Variants in BAIAP2L2 observed in about 807,000 individuals in gnomAD.
The protein encoded by BAIAP2L2 is BAR/IMD domain-containing adapter protein 2-like 2.
A neutral mutation model predicts 60.4 loss-of-function variants in BAIAP2L2; 65 were observed. That is an observed-to-expected ratio of 1.08 (90% confidence interval 0.88 to 1.32). The LOEUF (loss-of-function observed/expected upper bound fraction) is 1.32, where lower values mean the gene tolerates loss of function less well. Ranked by LOEUF, BAIAP2L2 falls within the 40% of genes most tolerant of loss-of-function variation. The probability of loss-of-function intolerance (pLI) is 0.00; values close to 1 mark genes in which losing one functional copy is unlikely to be tolerated. For synonymous variants in BAIAP2L2, 344 were observed against 301.7 expected (o/e 1.14, Z -1.45); for missense variants, 836 against 741.2 (o/e 1.13, Z -1.48).
At chr22:38,097,268 G>A in intron 6 of BAIAP2L2, 90 bp from the exon 7 acceptor site, 1 of 1,473,690 alleles carries the variant, frequency 6.8e-7, no homozygotes, top group Non-Finnish European at 9.3e-7. Context: ...CAAGCCCCCT[G>A]TTCTTCCTGA....
intron 7 of BAIAP2L2, chr22:38,090,429 G>A (rs2086270767): frequency 6.6e-6 from 1 of 151,926 alleles, no homozygotes; most frequent in Non-Finnish European, 1.5e-5. Flanking sequence ...TCTTTCAATG[G>A]CACTGACCTT....
intron 1 of BAIAP2L2, 136 bp downstream of exon 1, chr22:38,110,339 C>G (rs1414788557): frequency 2.2e-6 from 2 of 895,366 alleles, no homozygotes; most frequent in Non-Finnish European, 3.5e-6. Context: ...GTACCCACCC[C>G]TGGCCCAGCC....
chr22:38,094,475 C>G (rs116980139), intron 7 of BAIAP2L2, among the ~76,000 whole-genome samples: 3 of 152,090 alleles, frequency 2.0e-5, no homozygotes, highest in African/African-American at 7.2e-5. Context: ...TGTGAGCCAC[C>G]GCGCCTGGCC....
rs2086205131 is a variant in BAIAP2L2 at position 38,089,209 on chromosome 22, A to G, written c.788T>C (p.Phe263Ser). The G allele has an allele frequency of 2.8e-6, 3 of 1,057,832 alleles. No homozygotes were observed. The highest frequency in any genetic ancestry group is 3.4e-6 in the Non-Finnish European group (3 of 877,684). 65.5% of individuals were successfully genotyped at this position (1,057,832 alleles called of 1,614,324 possible). A position where few individuals can be genotyped will look rare whatever the true frequency, so the allele number is the denominator to read the frequency against. Residue 263 changes from phenylalanine (F) to serine (S), a missense_variant, in exon 9 of 14, where the codon TTC becomes TCC. Coordinates refer to ENST00000381669, the MANE Select transcript of BAIAP2L2 (RefSeq NM_025045.6). ...GCCGTGCCGGCTGCGGGGGGAGCTG[A>G]ACTCTCCCAGGGGCCTCGGGGGCTG... is the stretch of plus-strand genomic sequence containing the variant. ...LDMPPRPLGE[F>S]SSPRSRHGSG...
intron 3 of BAIAP2L2, 46 bp from the exon 4 acceptor site, chr22:38,107,959 C>A: frequency 2.5e-6 from 4 of 1,585,922 alleles, no homozygotes; most frequent in Middle Eastern, 1.7e-4. Context: ...GGCAGCCTGC[C>A]CCGCCCACCC....
rs1297801317 is a variant in BAIAP2L2 at position 38,089,693 on chromosome 22, G to A, written c.613-19C>T. Reference sequence around the variant, plus strand: ...CCCGGGCCTGGCCGGGCGGGGACACGGGGGTCAGCCAGGTCCGGGCGGCTC... The same window carrying A: ...CCCGGGCCTGGCCGGGCGGGGACACAGGGGTCAGCCAGGTCCGGGCGGCTC... On this transcript the variant is annotated intron_variant, in intron 7 of 13. Transcript: ENST00000381669. The A allele has an allele frequency of 9.0e-6, 11 of 1,228,676 alleles. No homozygotes were observed. The highest frequency in any genetic ancestry group is 6.1e-4 in the Middle Eastern group (2 of 3,280). 76.1% of individuals were successfully genotyped at this position (1,228,676 alleles called of 1,614,324 possible).
At chr22:38,087,866 A>C (rs2086144790) in intron 10 of BAIAP2L2, among the ~76,000 whole-genome samples, 2 of 138,338 alleles carry the variant, frequency 1.4e-5, no homozygotes, top group African/African-American at 2.8e-5. Flanking sequence ...GCATCCTCCC[A>C]TGTCCCTAAC....
rs1453781991 is a variant in BAIAP2L2 at position 38,089,524 on chromosome 22, T to C, written c.763A>G (p.Met255Val). 7.4e-6 allele frequency: 9 copies of C among 1,211,124 alleles called. No individual in the cohort carries two copies. Among genetic ancestry groups the C allele is most frequent in the Non-Finnish European group, 8.2e-6 (8 of 974,966 alleles). The allele number at this position is 1,211,124 out of a possible 1,614,324, so 75.0% of individuals were successfully genotyped here. A position where few individuals can be genotyped will look rare whatever the true frequency, so the allele number is the denominator to read the frequency against. ...GGCGGGGGCGCCCAGGGCCTCACCA[T>C]GTCCAGGCAGGTGGGCGTCAGGCGG... is the stretch of plus-strand genomic sequence containing the variant. ...SGRLTPTCLDMPPRPLGEFSS... is the reference protein window; with the variant it reads ...SGRLTPTCLDVPPRPLGEFSS... Residue 255 changes from methionine (M) to valine (V), a missense_variant and splice_region_variant, in exon 8 of 14, where the codon ATG becomes GTG. Transcript: ENST00000381669.
chr22:38,110,896 C>T (rs972054810), upstream of BAIAP2L2, among the ~76,000 whole-genome samples: 1 of 152,194 alleles, frequency 6.6e-6, no homozygotes, highest in African/African-American at 2.4e-5. Flanking sequence ...GGGCCCCGCC[C>T]TCCCACCTGC....
chr22:38,087,149 TCATGGGTGTCATGGGGGA>T lies in BAIAP2L2; in HGVS notation c.1216_1233del (p.Ser406_Met411del). 1 of 1,517,616 alleles carries T rather than the reference TCATGGGTGTCATGGGGGA, an allele frequency of 6.6e-7. No individual in the cohort carries two copies. The allele number at this position is 1,517,616 out of a possible 1,614,324, so 94.0% of individuals were successfully genotyped here. A position where few individuals can be genotyped will look rare whatever the true frequency, so the allele number is the denominator to read the frequency against. On this transcript the variant is annotated inframe_deletion, in exon 11 of 14. Coordinates refer to ENST00000381669, the MANE Select transcript of BAIAP2L2 (RefSeq NM_025045.6). ...CTGGAAGGCAGCTCGTTCCCGGGGTTCATGGGTGTCATGGGGGACATGGAGGTCATGGAGGTCATGGGG... is the reference window on the plus strand; with the variant it reads ...CTGGAAGGCAGCTCGTTCCCGGGGTTCATGGAGGTCATGGAGGTCATGGGG...
At chr22:38,108,190 C>CT (rs1053887832) in intron 3 of BAIAP2L2, 65 bp downstream of exon 3, 16 of 1,475,602 alleles carry the variant, frequency 1.1e-5, no homozygotes, top group East Asian at 9.2e-5. Context: ...TCGGGACATC[C>CT]TGGAAGGGCA....
In BAIAP2L2 at chr22:38,097,126, T is replaced by C; in HGVS notation, c.518A>G (p.Gln173Arg). 6.2e-7 allele frequency: 1 copy of C among 1,614,002 alleles called. No individual in the cohort carries two copies. The highest frequency in any genetic ancestry group is 8.5e-7 in the Non-Finnish European group (1 of 1,180,026). ...CTTCTCTTCCAATTCAGCCGCCCGC[T>C]GACTCTCAGACACGAAGGCCTGCAT... is the stretch of plus-strand genomic sequence containing the variant. The part of the protein sequence containing the change: ...AQMQAFVSES[Q>R]RAAELEEKRR... Residue 173 changes from glutamine to arginine, a missense_variant, in exon 7 of 14, where the codon CAG becomes CGG. By Grantham distance (43) the Gln-to-Arg change is conservative (BLOSUM62 1). Coordinates refer to ENST00000381669, the MANE Select transcript of BAIAP2L2 (RefSeq NM_025045.6).
At chr22:38,099,750 G>A (rs1222673712) in intron 4 of BAIAP2L2, among the ~76,000 whole-genome samples, 3 of 152,204 alleles carry the variant, frequency 2.0e-5, no homozygotes, top group African/African-American at 4.8e-5. Flanking sequence ...CCCCAACCCC[G>A]CGGACACGTC....
upstream of BAIAP2L2, chr22:38,110,799 A>C: frequency 2.1e-6 from 1 of 465,886 alleles, no homozygotes. Flanking sequence ...TCAATTATTC[A>C]CCCCTTGGAG....
intron 12 of BAIAP2L2, 119 bp from the exon 13 acceptor site, chr22:38,085,851 G>T: frequency 2.0e-6 from 2 of 1,022,202 alleles, no homozygotes; most frequent in Non-Finnish European, 2.9e-6. Context: ...CCCCTGCCAT[G>T]CCAGGCTCCT....
chr22:38,088,890 C>A lies in BAIAP2L2; in HGVS notation c.976G>T (p.Ala326Ser). ...GAGACCAGGGCGCGGACTCTCCTGG[C>A]GCCCCCGCCGCCGCCCGGGCGCTCG... ...FGERPGGGGGARRVRALVSHS... is the reference protein window; with the variant it reads ...FGERPGGGGGSRRVRALVSHS... The change falls in exon 10 of 14, where the codon GCC becomes TCC. Residue 326 changes from alanine (A) to serine (S), a missense_variant. Physicochemically the swap from Ala to Ser is moderately conservative, Grantham distance 99. Coordinates refer to ENST00000381669, the MANE Select transcript of BAIAP2L2 (RefSeq NM_025045.6). 7.0e-6 allele frequency: 11 copies of A among 1,575,572 alleles called. No homozygotes were observed. Among genetic ancestry groups the A allele is most frequent in the Non-Finnish European group, 9.4e-6 (11 of 1,168,926 alleles).
intron 7 of BAIAP2L2, among the ~76,000 whole-genome samples, chr22:38,094,964 C>T (rs35543271): frequency 0.03 from 4,572 of 152,120 alleles, 121 homozygotes; most frequent in African/African-American, 0.065. Context: ...CCACCCTGGC[C>T]AACATGGTGA....
intron 4 of BAIAP2L2, among the ~76,000 whole-genome samples, chr22:38,107,339 G>A (rs1050910483): frequency 2.0e-5 from 3 of 152,274 alleles, no homozygotes; most frequent in East Asian, 1.9e-4. Flanking sequence ...GCCCCGCAGC[G>A]GGGACACCAG....
At chr22:38,109,502 T>A (rs1038973544) in intron 1 of BAIAP2L2, among the ~76,000 whole-genome samples, 3 of 152,168 alleles carry the variant, frequency 2.0e-5, no homozygotes, top group Non-Finnish European at 4.4e-5. Flanking sequence ...ATGGTGCACC[T>A]GGAAGGTTCT....
Sources: allele counts gnomAD v4.1 joint callset (sites outside exome capture counted in the v4.1 genomes callset), GRCh38; gene constraint gnomAD v4.1.1; transcripts MANE v1.5; gene names NCBI Gene and HGNC (gene_info 2026-07-23, HGNC 2026-07-21).